PCDHA7: variants seen among roughly 807,000 people sequenced by gnomAD.
PCDHA7 encodes protocadherin alpha 7, also known as protocadherin alpha-7.
In PCDHA7, 37 loss-of-function variants were observed where a neutral mutation model predicts 57.2. That is an observed-to-expected ratio of 0.65 (90% confidence interval 0.50 to 0.85). PCDHA7 has a LOEUF of 0.85. Among genes scored for constraint, PCDHA7 ranks in the 40% least tolerant of loss-of-function variants. The probability of loss-of-function intolerance (pLI) is 0.00; values close to 1 mark genes in which losing one functional copy is unlikely to be tolerated. For missense variants in PCDHA7, 1,188 were observed against 1,241.8 expected (o/e 0.96, Z 0.65); for synonymous variants, 553 against 558.8 (o/e 0.99, Z 0.15).
At chr5:140,882,481 C>T in intron 1 of PCDHA7, 2 of 1,614,038 alleles carry the variant, frequency 1.2e-6, no homozygotes, top group Middle Eastern at 1.7e-4. Flanking sequence ...CCAAAAGACA[C>T]GGGGACCTTC....
At chr5:140,928,471 G>T in intron 1 of PCDHA7, 1 of 1,614,148 alleles carries the variant, frequency 6.2e-7, no homozygotes, top group Non-Finnish European at 8.5e-7. Context: ...CCAAGTAGAA[G>T]GCCGGGATGG....
intron 1 of PCDHA7, among the ~76,000 whole-genome samples, chr5:140,964,638 A>T (rs1402541821): frequency 3.9e-5 from 6 of 152,098 alleles, no homozygotes; most frequent in Admixed American, 2.0e-4. Context: ...ATTTATTTTC[A>T]GAAACAAGTA....
chr5:140,876,651 T>TC, intron 1 of PCDHA7: 1 of 1,614,178 alleles, frequency 6.2e-7, no homozygotes, highest in South Asian at 1.1e-5. Context: ...CACCTCATGT[T>TC]CCCTTCAAGC....
chr5:140,967,226 C>T, intron 1 of PCDHA7: 1 of 1,613,746 alleles, frequency 6.2e-7, no homozygotes, highest in Non-Finnish European at 8.5e-7. Flanking sequence ...GCCCAACTAC[C>T]AGCTTCAGGT....
chr5:140,929,443 T>C, intron 1 of PCDHA7: 1 of 1,426,882 alleles, frequency 7.0e-7, no homozygotes, highest in Non-Finnish European at 9.3e-7. Flanking sequence ...AAACACTCCT[T>C]CTTAGCACTT....
chr5:140,919,480 T>C (rs1745975489), intron 1 of PCDHA7, among the ~76,000 whole-genome samples: 1 of 152,198 alleles, frequency 6.6e-6, no homozygotes, highest in Admixed American at 6.5e-5. Context: ...TATTTGGATT[T>C]ATGTTTGTTA....
chr5:140,842,835 C>T (rs146745311), intron 1 of PCDHA7: 10 of 1,593,736 alleles, frequency 6.3e-6, no homozygotes, highest in African/African-American at 1.3e-5. Flanking sequence ...CGCTCGCTGT[C>T]GAGCTACATT....
chr5:140,966,620 G>A lies in PCDHA7; in HGVS notation c.2356-12329G>A, dbSNP rs2096027901. 8 of 837,888 alleles carry A rather than the reference G, an allele frequency of 9.5e-6. No homozygotes were observed. The East Asian group carries it at 2.6e-4, about 27-fold the overall frequency. 51.9% of individuals were successfully genotyped at this position (837,888 alleles called of 1,614,324 possible). A position where few individuals can be genotyped will look rare whatever the true frequency, so the allele number is the denominator to read the frequency against. On this transcript the variant is annotated intron_variant, in intron 1 of 3. Transcript: ENST00000525929. ...GAGCCCTTGGGAGGGCCTACGGAGG[G>A]AGCGGCCCCAGGCGCTTTCTAGAGC...
rs1387090858 is a variant in PCDHA7, at chr5:140,923,184, T to C, written c.2356-55765T>C. Reference sequence around the variant, plus strand: ...AGATAAATTTTTGTTCAGATGCATCTACTGCAGCAATTTGGGAGGCTAAGG... The same window carrying C: ...AGATAAATTTTTGTTCAGATGCATCCACTGCAGCAATTTGGGAGGCTAAGG... On this transcript the variant is annotated intron_variant, in intron 1 of 3. Transcript: ENST00000525929. Among the ~76,000 whole-genome samples the C allele has an allele frequency of 3.9e-5, 6 of 152,146 alleles. No homozygotes were observed. In the East Asian group the frequency reaches 1.2e-3, roughly 29 times the overall value.
intron 1 of PCDHA7, among the ~76,000 whole-genome samples, chr5:140,934,604 G>C (rs1389000917): frequency 6.6e-6 from 1 of 151,762 alleles, no homozygotes; most frequent in Non-Finnish European, 1.5e-5. Context: ...TCAACTATTT[G>C]ATTAGCCTGA....
chr5:140,865,207 G>T (rs2048773206), intron 1 of PCDHA7: 1 of 152,092 alleles, frequency 6.6e-6, no homozygotes. Context: ...AATGTGAATT[G>T]CTTTCTTTAA....
intron 1 of PCDHA7, chr5:140,869,668 A>G (rs540975019): frequency 1.2e-6 from 2 of 1,613,544 alleles, no homozygotes; most frequent in African/African-American, 1.3e-5. Context: ...TGGTAAGCAG[A>G]TTAAAAGACT....
rs1229783262 is a variant in PCDHA7 at position 140,850,596 on chromosome 5, A to G, written c.2355+13858A>G. ...GCTGGTGGATGTCAACGTGTACCTG[A>G]TCATCGCCATCTGCGCGGTGTCTAG... On this transcript the variant is annotated intron_variant, in intron 1 of 3. Coordinates refer to ENST00000525929, the MANE Select transcript of PCDHA7 (RefSeq NM_018910.3). 2 of 1,598,308 alleles carry G rather than the reference A, an allele frequency of 1.3e-6. 1 individual carries two copies. The highest frequency in any genetic ancestry group is 1.7e-6 in the Non-Finnish European group (2 of 1,167,786).
intron 1 of PCDHA7, chr5:140,850,998 C>T (rs1333674670): frequency 6.9e-7 from 1 of 1,440,098 alleles, no homozygotes; most frequent in Non-Finnish European, 9.2e-7. Context: ...TCTAGAAATC[C>T]AGCAGATTTT....
chr5:140,874,622 A>G (rs554375384), intron 1 of PCDHA7, among the ~76,000 whole-genome samples: 5 of 152,374 alleles, frequency 3.3e-5, no homozygotes, highest in Non-Finnish European at 7.3e-5. Flanking sequence ...TAAACATTTT[A>G]CATTAAAGTG....
intron 3 of PCDHA7, among the ~76,000 whole-genome samples, chr5:140,996,747 T>C (rs940274322): frequency 1.3e-5 from 2 of 152,190 alleles, no homozygotes; most frequent in Non-Finnish European, 2.9e-5. Flanking sequence ...TAACAAATTA[T>C]ATCTGTGCAG....
chr5:140,940,635 TC>T (rs2092658903), intron 1 of PCDHA7, among the ~76,000 whole-genome samples: 1 of 152,214 alleles, frequency 6.6e-6, no homozygotes, highest in African/African-American at 2.4e-5. Context: ...CTTAAGCTTG[TC>T]ATTTATTTAT....
chr5:140,952,378 A>G (rs1282372403), intron 1 of PCDHA7, among the ~76,000 whole-genome samples: 1 of 151,376 alleles, frequency 6.6e-6, no homozygotes, highest in Non-Finnish European at 1.5e-5. Flanking sequence ...TTCCTCTGCC[A>G]GGTACCCTAA....
intron 1 of PCDHA7, among the ~76,000 whole-genome samples, chr5:140,837,441 C>A (rs1199592642): frequency 6.6e-6 from 1 of 151,714 alleles, no homozygotes; most frequent in Admixed American, 6.6e-5. Flanking sequence ...AAATCTAGTA[C>A]GTAGTAAAAA....
Sources: gnomAD v4.1 joint callset for allele counts (sites outside exome capture counted in the v4.1 genomes callset) on GRCh38, gnomAD v4.1.1 for gene constraint, MANE v1.5 for transcripts, NCBI Gene and HGNC (gene_info 2026-07-23, HGNC 2026-07-21) for gene names.